SELENOP: variants seen among roughly 807,000 people sequenced by gnomAD.
The protein encoded by SELENOP is selenoprotein P.
In SELENOP, 36 loss-of-function variants were observed where a neutral mutation model predicts 41.0. The observed-to-expected ratio is 0.88, with a 90% CI of 0.67 to 1.16. The LOEUF is 1.16. SELENOP is among the 50% of genes most tolerant of loss of function. The pLI is 0.00. For missense variants in SELENOP, 440 were observed against 454.2 expected (o/e 0.97, Z 0.28); for synonymous variants, 144 against 150.8 (o/e 0.95, Z 0.33).
rs778055332 is a variant in SELENOP, at chr5:42,800,830, G to A, written c.1036C>T (p.Arg346Cys). The A allele has an allele frequency of 2.4e-5, 38 of 1,614,074 alleles. No homozygotes were observed. The Admixed American group carries it at 5.3e-4, about 23-fold the overall frequency. ...ATTTGTCAGGCAGCTGGAGGCAAAC[G>A]TCACTGACAAGATTCAGTTATGTTC... ...EENITESCQU[R>C]LPPAAUQISQ... The change falls in exon 5 of 5, where the codon CGT becomes TGT. Residue 346 changes from arginine (R) to cysteine (C), a missense_variant. Physicochemically the swap from Arg to Cys is radical, Grantham distance 180. Transcript: ENST00000514985.
intron 2 of SELENOP, 79 bp downstream of exon 2, chr5:42,808,072 T>C (rs1181098884): frequency 1.6e-6 from 1 of 633,684 alleles, no homozygotes; most frequent in Non-Finnish European, 2.4e-6. Context: ...ATTTACACTT[T>C]TATTTTATGT....
At chr5:42,802,777 ATTTTTGTATTT>A (rs1472902054) in intron 4 of SELENOP, among the ~76,000 whole-genome samples, 4 of 152,004 alleles carry the variant, frequency 2.6e-5, no homozygotes, top group Non-Finnish European at 4.4e-5. Context: ...CGCCCAGCTA[ATTTTTGTATTT>A]TTAGTAGAGA....
At position 42,800,905 on chromosome 5, in the gene SELENOP, T is replaced by C. The variant is rs1267180523; in HGVS notation, c.961A>G (p.Lys321Glu). Residue 321 changes from lysine (K) to glutamate (E), a missense_variant, in exon 5 of 5, where the codon AAA becomes GAA. Physicochemically the swap from Lys to Glu is moderately conservative, Grantham distance 56. Transcript: ENST00000514985. Reference protein sequence around the residue: ...KTGSAITUQCKENLPSLCSUQ... With the variant: ...KTGSAITUQCEENLPSLCSUQ... Reference sequence around the variant, plus strand: ...CTACATAAAGATGGGAGGTTTTCTTTACACTGTCAGGTGATTGCAGACCCT... The same window carrying C: ...CTACATAAAGATGGGAGGTTTTCTTCACACTGTCAGGTGATTGCAGACCCT... The C allele has an allele frequency of 1.2e-6, 2 of 1,614,236 alleles. No individual in the cohort carries two copies.
intron 1 of SELENOP, chr5:42,810,781 G>C: frequency 9.2e-7 from 1 of 1,088,632 alleles, no homozygotes; most frequent in Non-Finnish European, 1.1e-6. Flanking sequence ...GCAAGTAGCT[G>C]AATGGTGAAT....
chr5:42,799,923 C>T lies in SELENOP; in HGVS notation c.*797G>A. On this transcript the variant is annotated 3_prime_UTR_variant, in exon 5 of 5. Coordinates refer to ENST00000514985, the MANE Select transcript of SELENOP (RefSeq NM_005410.4). ...TTGAATTTATTTGGACAAATCCGTA[C>T]TGTATCCAATTCTGTACTGCATTCT... The T allele has an allele frequency of 1.1e-6, 1 of 915,348 alleles. No homozygotes were observed. Among genetic ancestry groups the T allele is most frequent in the Non-Finnish European group, 1.6e-6 (1 of 606,314 alleles). 56.7% of individuals were successfully genotyped at this position (915,348 alleles called of 1,614,324 possible).
At chr5:42,804,104 G>T (rs1760272860) in intron 4 of SELENOP, among the ~76,000 whole-genome samples, 1 of 152,172 alleles carries the variant, frequency 6.6e-6, no homozygotes, top group African/African-American at 2.4e-5. Flanking sequence ...ACGATACATT[G>T]ATTTTTAATT....
chr5:42,805,303 G>A (rs1236173452), intron 3 of SELENOP: 1 of 152,138 alleles, frequency 6.6e-6, no homozygotes, highest in Non-Finnish European at 1.5e-5. Context: ...CAGAAATGGT[G>A]GGGTTAAAAT....
rs762645495 is a variant in SELENOP at position 42,804,284 on chromosome 5, AC to A, written c.534+371del. 4.5e-4 allele frequency among the ~76,000 whole-genome samples: 68 copies of A among 152,160 alleles called. 1 individual carries two copies. The highest frequency in any genetic ancestry group is 4.9e-4 in the Non-Finnish European group (33 of 67,972). On this transcript the variant is annotated intron_variant, in intron 4 of 4. Coordinates refer to ENST00000514985, the MANE Select transcript of SELENOP (RefSeq NM_005410.4). The stretch of plus-strand genomic sequence containing the variant: ...AGACCATCCTGGCTAACACAGTGAA[AC>A]CCCGTCTCTACTAAAAATACAAAAA...
chr5:42,804,874 C>G, intron 3 of SELENOP, 101 bp from the exon 4 acceptor site: 1 of 709,958 alleles, frequency 1.4e-6, no homozygotes, highest in Non-Finnish European at 2.3e-6. Context: ...ATGGTCATAA[C>G]TAAGACCCTT....
At chr5:42,804,367 A>G (rs1760282485) in intron 4 of SELENOP, among the ~76,000 whole-genome samples, 1 of 152,186 alleles carries the variant, frequency 6.6e-6, no homozygotes, top group Admixed American at 6.5e-5. Flanking sequence ...AGACTGAGGC[A>G]GGAGAATGGC....
chr5:42,800,865 C>T lies in SELENOP; in HGVS notation c.1001G>A (p.Arg334Gln), dbSNP rs199555710. The T allele has an allele frequency of 1.1e-3, 1,709 of 1,614,140 alleles. 1 individual carries two copies. The highest frequency in any genetic ancestry group is 1.5e-3 in the Middle Eastern group (9 of 6,062). The change falls in exon 5 of 5, where the codon CGG becomes CAG. Residue 334 changes from arginine to glutamine, a missense_variant. Transcript: ENST00000514985. ...AGATTCAGTTATGTTCTCCTCTGCC[C>T]GAAGTCCCTGTCAGCTACATAAAGA... The part of the protein sequence containing the change: ...LPSLCSUQGL[R>Q]AEENITESCQ...
In SELENOP at chr5:42,807,170, T is replaced by C. The variant is rs547062846; in HGVS notation, c.204-62A>G. 8.2e-5 allele frequency: 67 copies of C among 815,224 alleles called. No individual in the cohort carries two copies. In the African/African-American group the frequency reaches 9.0e-4, roughly 11 times the overall value. The allele number at this position is 815,224 out of a possible 1,614,324, so 50.5% of individuals were successfully genotyped here. On this transcript the variant is annotated intron_variant, in intron 2 of 4. Coordinates refer to ENST00000514985, the MANE Select transcript of SELENOP (RefSeq NM_005410.4). Reference sequence around the variant, plus strand: ...TCTCATTTGATTTGATTAGTGGTTTTTCTCCCTCTTCCTTAATTTTCTATG... The same window carrying C: ...TCTCATTTGATTTGATTAGTGGTTTCTCTCCCTCTTCCTTAATTTTCTATG...
In SELENOP at chr5:42,803,529, C is replaced by T. The variant is rs564852773; in HGVS notation, c.534+1127G>A. On this transcript the variant is annotated intron_variant, in intron 4 of 4. Coordinates refer to ENST00000514985, the MANE Select transcript of SELENOP (RefSeq NM_005410.4). ...AACAACTAAATTAATTAATTAAATT[C>T]GTTAAAAATTTGAGGCGGCTTTCTT... is the stretch of plus-strand genomic sequence containing the variant. 5.3e-5 allele frequency among the ~76,000 whole-genome samples: 8 copies of T among 152,126 alleles called. 1 individual carries two copies. In the South Asian group the frequency reaches 1.7e-3, roughly 32 times the overall value.
At position 42,800,910 on chromosome 5, in the gene SELENOP, T is replaced by C; in HGVS notation, c.956A>G (p.Gln319Arg). The C allele has an allele frequency of 6.2e-7, 1 of 1,614,246 alleles. No homozygotes were observed. ...TAAAGATGGGAGGTTTTCTTTACACTGTCAGGTGATTGCAGACCCTGTTTT... is the reference window on the plus strand; with the variant it reads ...TAAAGATGGGAGGTTTTCTTTACACCGTCAGGTGATTGCAGACCCTGTTTT... Reference protein sequence around the residue: ...FEKTGSAITUQCKENLPSLCS... With the variant: ...FEKTGSAITURCKENLPSLCS... The change falls in exon 5 of 5, where the codon CAG (glutamine) becomes CGG (arginine). Residue 319 changes from glutamine to arginine, a missense_variant. Coordinates refer to ENST00000514985, the MANE Select transcript of SELENOP (RefSeq NM_005410.4).
Position 42,808,152 on chromosome 5 carries a change from T to C in SELENOP, c.202A>G (p.Lys68Glu). The C allele has an allele frequency of 3.3e-6, 5 of 1,496,586 alleles. No individual in the cohort carries two copies. The South Asian group carries it at 5.5e-5, about 17-fold the overall frequency. The allele number at this position is 1,496,586 out of a possible 1,614,324, so 92.7% of individuals were successfully genotyped here. A position where few individuals can be genotyped will look rare whatever the true frequency, so the allele number is the denominator to read the frequency against. Residue 68 changes from lysine to glutamate, a missense_variant and splice_region_variant, in exon 2 of 5, where the codon AAA becomes GAA. Transcript: ENST00000514985. ...SUYLCILQAS[K>E]LEDLRVKLKK... Reference sequence around the variant, plus strand: ...TAAGCCACAGAAAGACTGTCTTACTTAGATGCCTGCAGTATGCACAGGTAT... The same window carrying C: ...TAAGCCACAGAAAGACTGTCTTACTCAGATGCCTGCAGTATGCACAGGTAT...
chr5:42,810,171 G>A (rs1330025119), intron 1 of SELENOP, among the ~76,000 whole-genome samples: 3 of 152,090 alleles, frequency 2.0e-5, no homozygotes, highest in Non-Finnish European at 4.4e-5. Context: ...AAAAGAGACT[G>A]GATTAAAACT....
chr5:42,802,679 C>T (rs1760235667), intron 4 of SELENOP, among the ~76,000 whole-genome samples: 2 of 152,172 alleles, frequency 1.3e-5, no homozygotes, highest in South Asian at 2.1e-4. Context: ...GGCACGACCT[C>T]GACTCACTGC....
Position 42,808,323 on chromosome 5 carries a change from G to C in SELENOP, c.31C>G (p.Leu11Val). ...GTTCCTCCCGATGGGAGGAGACAGA[G>C]AGCCAGGGCAAGCCCCAGGCTTCTC... The part of the protein sequence containing the change: MWRSLGLALA[L>V]CLLPSGGTES... The change falls in exon 2 of 5, where the codon CTC (leucine) becomes GTC (valine). Residue 11 changes from leucine to valine, a missense_variant. Coordinates refer to ENST00000514985, the MANE Select transcript of SELENOP (RefSeq NM_005410.4). 2 of 1,447,890 alleles carry C rather than the reference G, an allele frequency of 1.4e-6. No homozygotes were observed. The highest frequency in any genetic ancestry group is 3.1e-5 in the South Asian group (2 of 64,812). 89.7% of individuals were successfully genotyped at this position (1,447,890 alleles called of 1,614,324 possible). A position where few individuals can be genotyped will look rare whatever the true frequency, so the allele number is the denominator to read the frequency against.
At position 42,801,311 on chromosome 5, in the gene SELENOP, A is replaced by AT; in HGVS notation, c.554_555insA (p.Phe185LeufsTer?). On this transcript the variant is annotated frameshift_variant, in exon 5 of 5. Transcript: ENST00000514985. LOFTEE classifies it high-confidence loss of function. ...CAGTAGCCAAAGATACACGTTTACA[A>AT]AAGTCTTCATCTTTGAGAGTCTGGA... 1 of 1,609,636 alleles carries AT rather than the reference A, an allele frequency of 6.2e-7. No homozygotes were observed. Among genetic ancestry groups the AT allele is most frequent in the Non-Finnish European group, 8.5e-7 (1 of 1,177,860 alleles).
Sources: gnomAD v4.1 joint callset for allele counts (sites outside exome capture counted in the v4.1 genomes callset) on GRCh38, gnomAD v4.1.1 for gene constraint, MANE v1.5 for transcripts, NCBI Gene and HGNC (gene_info 2026-07-23, HGNC 2026-07-21) for gene names.